TBC1D25: variants seen among roughly 807,000 people sequenced by gnomAD.
TBC1D25 encodes 5SN3 snoRNA.
A neutral mutation model predicts 38.8 loss-of-function variants in TBC1D25; 13 were observed. The ratio of observed to expected loss-of-function variants is 0.34; its 90% CI spans 0.22 to 0.53. The LOEUF is 0.53. Among genes scored for constraint, TBC1D25 ranks in the 20% least tolerant of loss-of-function variants. The pLI is 0.94. For synonymous variants in TBC1D25, 225 were observed against 255.6 expected, an observed-to-expected ratio of 0.88 and a Z score of 1.14; for missense variants, 372 against 600.0, an observed-to-expected ratio of 0.62 and a Z score of 3.97.
intron 3 of TBC1D25, among the ~76,000 whole-genome samples, chrX:48,546,007 C>T (rs1288819178): frequency 9.2e-6 from 1 of 108,776 alleles, no homozygotes; most frequent in African/African-American, 3.4e-5. Flanking sequence ...GTCAGGAGTT[C>T]GAGACCATCC....
At chrX:48,540,191 A>G (rs990929108) in intron 1 of TBC1D25, among the ~76,000 whole-genome samples, 4 of 109,647 alleles carry the variant, frequency 3.6e-5, no homozygotes, top group African/African-American at 1.3e-4. Context: ...GGGAGGGGCT[A>G]TGGGGCTGGA....
rs2062030466 is a variant in TBC1D25 at position 48,561,897 on chromosome X, C to A, written c.*922C>A. The A allele has an allele frequency of 8.9e-6, 1 of 112,738 alleles. No homozygotes were observed. Among genetic ancestry groups the A allele is most frequent in the African/African-American group, 3.2e-5 (1 of 31,069 alleles). 9.3% of individuals were successfully genotyped at this position (112,738 alleles called of 1,213,427 possible). A position where few individuals can be genotyped will look rare whatever the true frequency, so the allele number is the denominator to read the frequency against. Reference sequence around the variant, plus strand: ...CCTAAACTGGGATTCCAGCTCACAGCACCTGTCTTAACCATTTCAGCAGTA... The same window carrying A: ...CCTAAACTGGGATTCCAGCTCACAGAACCTGTCTTAACCATTTCAGCAGTA... On this transcript the variant is annotated 3_prime_UTR_variant, in exon 6 of 6. Coordinates refer to ENST00000376771, the MANE Select transcript of TBC1D25 (RefSeq NM_002536.4).
intron 3 of TBC1D25, among the ~76,000 whole-genome samples, chrX:48,546,365 T>A (rs1024464453): frequency 1.9e-5 from 2 of 107,149 alleles, no homozygotes; most frequent in African/African-American, 6.8e-5. Flanking sequence ...TACAAAAAAA[T>A]AGCCGGGCGT....
intron 2 of TBC1D25, among the ~76,000 whole-genome samples, chrX:48,544,323 T>G: frequency 9.3e-6 from 1 of 107,237 alleles, no homozygotes; most frequent in Middle Eastern, 4.7e-3. Context: ...GACCAACTTT[T>G]TTTTTTTTTT....
At chrX:48,547,246 G>A (rs937632353) in intron 3 of TBC1D25, among the ~76,000 whole-genome samples, 1 of 112,007 alleles carries the variant, frequency 8.9e-6, no homozygotes, top group African/African-American at 3.2e-5. Flanking sequence ...CAGAGTCCTT[G>A]TTCTTAACCA....
At chrX:48,552,345 C>G (rs1181935445) in intron 3 of TBC1D25, among the ~76,000 whole-genome samples, 1 of 95,964 alleles carries the variant, frequency 1.0e-5, no homozygotes, top group African/African-American at 4.4e-5. Flanking sequence ...CACCATCATG[C>G]CCGGCTAATT....
At position 48,557,582 on chromosome X, in the gene TBC1D25, G is replaced by A. The variant is rs191799083; in HGVS notation, c.389-1315G>A. Among the ~76,000 whole-genome samples, 19 of 109,159 alleles carry A rather than the reference G, an allele frequency of 1.7e-4. 1 individual carries two copies. The highest frequency in any genetic ancestry group is 1.4e-3 in the Admixed American group (14 of 10,089). The allele number at this position is 109,159 out of a possible 115,157, so 94.8% of individuals were successfully genotyped here. ...CACTTGAACCCAGGAGGTGGATGTT[G>A]CAGTGAGCCGAGATCCCGTCATTGT... On this transcript the variant is annotated intron_variant, in intron 3 of 5. Transcript: ENST00000376771.
intron 3 of TBC1D25, among the ~76,000 whole-genome samples, chrX:48,555,732 G>C (rs781795082): frequency 7.2e-5 from 8 of 110,472 alleles, no homozygotes; most frequent in African/African-American, 2.6e-4. Context: ...TCTTGGCAAG[G>C]GGAGTGTGGC....
intron 1 of TBC1D25, among the ~76,000 whole-genome samples, chrX:48,540,236 G>C (rs1357117600): frequency 9.0e-6 from 1 of 111,416 alleles, no homozygotes; most frequent in African/African-American, 3.3e-5. Context: ...GGGGCTCTGA[G>C]GAATGAGAAG....
chrX:48,555,580 A>G (rs1386077623), intron 3 of TBC1D25, among the ~76,000 whole-genome samples: 1 of 111,460 alleles, frequency 9.0e-6, no homozygotes, highest in African/African-American at 3.3e-5. Flanking sequence ...GAGACGAGAG[A>G]TTGAGAAAAG....
intron 3 of TBC1D25, among the ~76,000 whole-genome samples, chrX:48,546,212 C>CAA (rs782072122): frequency 0.4 from 22,643 of 56,731 alleles, 4,093 homozygotes; most frequent in East Asian, 0.52. Context: ...GACTTCATCT[C>CAA]AAAAAAAAAA....
At position 48,539,715 on chromosome X, in the gene TBC1D25, G is replaced by C. The variant is rs1556979651; in HGVS notation, c.-83G>C. On this transcript the variant is annotated 5_prime_UTR_variant, in exon 1 of 6. Transcript: ENST00000376771. ...TGCGCCTGCGCCCCGGCACGAGGTGGGGCGGCGGGCGTCAGTACAGTAGAG... is the reference window on the plus strand; with the variant it reads ...TGCGCCTGCGCCCCGGCACGAGGTGCGGCGGCGGGCGTCAGTACAGTAGAG... 1.1e-6 allele frequency: 1 copy of C among 930,510 alleles called. No individual in the cohort carries two copies. Among genetic ancestry groups the C allele is most frequent in the Admixed American group, 5.9e-5 (1 of 17,048 alleles). 76.7% of individuals were successfully genotyped at this position (930,510 alleles called of 1,213,427 possible). A position where few individuals can be genotyped will look rare whatever the true frequency, so the allele number is the denominator to read the frequency against.
chrX:48,558,832 G>A, intron 3 of TBC1D25, 65 bp from the exon 4 acceptor site: 1 of 1,186,908 alleles, frequency 8.4e-7, no homozygotes, highest in Non-Finnish European at 1.1e-6. Flanking sequence ...TAGAAGGAGA[G>A]GAAGCCGGCC....
In TBC1D25 at chrX:48,551,014, T is replaced by C. The variant is rs782271758; in HGVS notation, c.388+5991T>C. ...CTATAGAAACCTTAAGATAATTTTA[T>C]CCGGTTCCAGGAAAAACCCCCATTC... is the stretch of plus-strand genomic sequence containing the variant. On this transcript the variant is annotated intron_variant, in intron 3 of 5. Coordinates refer to ENST00000376771, the MANE Select transcript of TBC1D25 (RefSeq NM_002536.4). Among the ~76,000 whole-genome samples the C allele has an allele frequency of 4.5e-5, 5 of 111,570 alleles. No individual in the cohort carries two copies. In the South Asian group the frequency reaches 1.9e-3, roughly 41 times the overall value.
intron 2 of TBC1D25, among the ~76,000 whole-genome samples, chrX:48,542,425 C>T: frequency 9.1e-6 from 1 of 109,810 alleles, no homozygotes; most frequent in Non-Finnish European, 1.9e-5. Flanking sequence ...ACCTCGGCCT[C>T]CCAAAGTGCT....
intron 1 of TBC1D25, among the ~76,000 whole-genome samples, chrX:48,540,926 A>G (rs149684911): frequency 8.9e-6 from 1 of 112,327 alleles, no homozygotes; most frequent in East Asian, 2.8e-4. Flanking sequence ...GGTAACTTCT[A>G]ACAGTTTGGT....
chrX:48,557,643 CAAA>C (rs782150312), intron 3 of TBC1D25, among the ~76,000 whole-genome samples: 3 of 80,624 alleles, frequency 3.7e-5, no homozygotes, highest in Admixed American at 2.8e-4. Context: ...AACTCCGCCT[CAAA>C]AAAAAAAAAA....
intron 3 of TBC1D25, among the ~76,000 whole-genome samples, chrX:48,558,069 C>T (rs782249890): frequency 9.4e-6 from 1 of 106,641 alleles, no homozygotes; most frequent in South Asian, 4.3e-4. Context: ...TACGTTCACA[C>T]CACTGCATTC....
chrX:48,559,659 G>A lies in TBC1D25; in HGVS notation c.751G>A (p.Gly251Ser). The A allele has an allele frequency of 8.3e-7, 1 of 1,211,631 alleles. No individual in the cohort carries two copies. The highest frequency in any genetic ancestry group is 1.1e-6 in the Non-Finnish European group (1 of 895,408). ...LLNVYPDGLT[G>S]RERMDYMKRK... ...GAACGTGTATCCAGATGGACTGACAGGCCGAGAGCGGATGGACTACATGAA... is the reference window on the plus strand; with the variant it reads ...GAACGTGTATCCAGATGGACTGACAAGCCGAGAGCGGATGGACTACATGAA... The change falls in exon 6 of 6, where the codon GGC (glycine) becomes AGC (serine). Residue 251 changes from glycine to serine, a missense_variant. Transcript: ENST00000376771.
Sources: gnomAD v4.1 joint callset for allele counts (sites outside exome capture counted in the v4.1 genomes callset) on GRCh38, gnomAD v4.1.1 for gene constraint, MANE v1.5 for transcripts, NCBI Gene and HGNC (gene_info 2026-07-23, HGNC 2026-07-21) for gene names.